Variants in PPP1R1C observed in about 807,000 individuals in gnomAD.
PPP1R1C encodes the protein protein phosphatase 1 regulatory inhibitor subunit 1C.
PPP1R1C carries 15 observed loss-of-function variants against 17.4 expected under a neutral mutation model. That is an observed-to-expected ratio of 0.86 (90% CI 0.58 to 1.33). The LOEUF (loss-of-function observed/expected upper bound fraction) is 1.33. Among genes scored for constraint, PPP1R1C ranks in the 40% most tolerant of loss-of-function variants. PPP1R1C has a pLI of 0.00. For synonymous variants in PPP1R1C, 35 were observed against 43.1 expected (o/e 0.81, Z 0.73); for missense variants, 143 against 130.0 (o/e 1.10, Z -0.48).
chr2:182,069,457 T>A (rs1688080571), intron 4 of PPP1R1C, among the ~76,000 whole-genome samples: 1 of 152,094 alleles, frequency 6.6e-6, no homozygotes, highest in African/African-American at 2.4e-5. Context: ...AGGTATCTTT[T>A]TTTTTTTGGA....
intron 1 of PPP1R1C, among the ~76,000 whole-genome samples, chr2:181,956,808 TA>T (rs1173092360): frequency 3.9e-5 from 6 of 152,318 alleles, no homozygotes; most frequent in African/African-American, 1.4e-4. Flanking sequence ...TGCATGTGTT[TA>T]AAAAATGGCA....
At chr2:182,043,634 C>G (rs1687253200) in intron 2 of PPP1R1C, among the ~76,000 whole-genome samples, 1 of 152,050 alleles carries the variant, frequency 6.6e-6, no homozygotes, top group South Asian at 2.1e-4. Flanking sequence ...TCATGCCTAC[C>G]CTGAAGAGTA....
chr2:182,071,687 C>G (rs1688144183), intron 4 of PPP1R1C, among the ~76,000 whole-genome samples: 1 of 152,156 alleles, frequency 6.6e-6, no homozygotes, highest in Non-Finnish European at 1.5e-5. Context: ...ATTTGTTTCT[C>G]CTCCTCCATT....
intron 4 of PPP1R1C, among the ~76,000 whole-genome samples, chr2:182,074,337 A>G (rs1963270): frequency 0.56 from 85,447 of 151,916 alleles, 24,453 homozygotes; most frequent in Non-Finnish European, 0.61. Context: ...CACTGCGCCC[A>G]GCCAAAAATT....
Position 181,997,045 on chromosome 2 carries a change from T to C in PPP1R1C, c.142+9146T>C, listed in dbSNP as rs915587576. ...GAGATCGAGACCATCCTGGCTAACA[T>C]GGTGAAACCCTGTCTTTACTAGAAA... On this transcript the variant is annotated intron_variant, in intron 2 of 4. Transcript: ENST00000682840. Among the ~76,000 whole-genome samples the C allele has an allele frequency of 3.3e-5, 5 of 151,918 alleles. No individual in the cohort carries two copies. In the East Asian group the frequency reaches 9.7e-4, roughly 29 times the overall value.
intron 2 of PPP1R1C, among the ~76,000 whole-genome samples, chr2:182,045,789 A>G (rs866220241): frequency 6.6e-6 from 1 of 152,188 alleles, no homozygotes; most frequent in Non-Finnish European, 1.5e-5. Flanking sequence ...CATGCAAGAT[A>G]TAAAATAGCA....
In PPP1R1C at chr2:181,957,833, A is replaced by C. The variant is rs534679922; in HGVS notation, n.111+3199A>C. 6.6e-6 allele frequency among the ~76,000 whole-genome samples: 1 copy of C among 152,294 alleles called. No homozygotes were observed. Among genetic ancestry groups the C allele is most frequent in the Admixed American group, 6.5e-5 (1 of 15,294 alleles). On this transcript the variant is annotated intron_variant and non_coding_transcript_variant, in intron 1 of 5. Coordinates refer to the PPP1R1C transcript ENST00000464264. The surrounding 1 kb of genome is among the most constrained non-coding windows in gnomAD (Gnocchi z 4.2). ...TGGTGGCTGAGGGTCTTGTTGGATG[A>C]CTGCATTGCTAATCTTGCCATTGCA...
Position 182,042,138 on chromosome 2 carries a change from G to T in PPP1R1C, c.143-19304G>T, listed in dbSNP as rs17456788. On this transcript the variant is annotated intron_variant, in intron 2 of 4. Transcript: ENST00000682840. ...TATGTAGTTGTATTCACTGAAGAAGGTTTTCTGGAATAGAATAGAAAGTAT... is the reference window on the plus strand; with the variant it reads ...TATGTAGTTGTATTCACTGAAGAAGTTTTTCTGGAATAGAATAGAAAGTAT... Among the ~76,000 whole-genome samples, 491 of 152,134 alleles carry T rather than the reference G, an allele frequency of 3.2e-3. 2 individuals are homozygous for T. Among genetic ancestry groups the T allele is most frequent in the Non-Finnish European group, 5.1e-3 (347 of 67,986 alleles).
At chr2:182,120,281 A>T (rs574573961), downstream of PPP1R1C, among the ~76,000 whole-genome samples, 5 of 152,332 alleles carry the variant, frequency 3.3e-5, no homozygotes, top group Non-Finnish European at 7.3e-5. Flanking sequence ...TTTTGGCACC[A>T]GTACCATGCT....
intron 4 of PPP1R1C, among the ~76,000 whole-genome samples, chr2:182,091,233 T>C (rs1249437576): frequency 6.6e-6 from 1 of 152,204 alleles, no homozygotes; most frequent in Non-Finnish European, 1.5e-5. Context: ...AGAAGAATTA[T>C]ATCTCAGAAG....
intron 1 of PPP1R1C, among the ~76,000 whole-genome samples, chr2:181,963,785 T>C (rs1342569822): frequency 6.7e-6 from 1 of 149,832 alleles, no homozygotes; most frequent in Non-Finnish European, 1.5e-5. Flanking sequence ...AGAGTTCTTT[T>C]TTGCTTGTTT....
intron 4 of PPP1R1C, among the ~76,000 whole-genome samples, chr2:182,115,325 T>C (rs889026462): frequency 6.6e-6 from 1 of 152,200 alleles, no homozygotes; most frequent in Non-Finnish European, 1.5e-5. Context: ...CAGTGTCTCT[T>C]AATAATGGAA....
intron 4 of PPP1R1C, among the ~76,000 whole-genome samples, chr2:182,088,210 G>T (rs780360529): frequency 6.6e-6 from 1 of 152,008 alleles, no homozygotes; most frequent in African/African-American, 2.4e-5. Context: ...TTAGGTAATT[G>T]CCTTGAATGT....
intron 2 of PPP1R1C, among the ~76,000 whole-genome samples, chr2:182,036,737 A>T (rs1487449212): frequency 6.6e-6 from 1 of 152,038 alleles, no homozygotes; most frequent in African/African-American, 2.4e-5. Flanking sequence ...ATAAAACATA[A>T]TGGCAAATAC....
In PPP1R1C at chr2:181,976,363, G is replaced by A; in HGVS notation, n.157+1099G>A. 6.6e-6 allele frequency among the ~76,000 whole-genome samples: 1 copy of A among 151,582 alleles called. No homozygotes were observed. Among genetic ancestry groups the A allele is most frequent in the East Asian group, 1.9e-4 (1 of 5,192 alleles). ...ATTTGGAAACCCTACCAACAACAGA[G>A]TTCTAGAAGTTACTCTGAATCCAAA... On this transcript the variant is annotated intron_variant and non_coding_transcript_variant, in intron 2 of 5. Transcript: ENST00000464264. The surrounding 1 kb of genome is among the most constrained non-coding windows in gnomAD (Gnocchi z 4.8).
intron 5 of PPP1R1C, among the ~76,000 whole-genome samples, chr2:182,124,059 G>C (rs748520425): frequency 7.9e-5 from 12 of 152,224 alleles, no homozygotes; most frequent in Middle Eastern, 6.8e-3. Flanking sequence ...TCCAGTTTCA[G>C]CTTTCTGCAT....
In PPP1R1C at chr2:182,117,322, T is replaced by C; in HGVS notation, c.*27T>C. The stretch of plus-strand genomic sequence containing the variant: ...TACTGGTCTGCAGCAAGAAGGCTTC[T>C]TGGAAATAACTGAACTATTAACTTT... On this transcript the variant is annotated 3_prime_UTR_variant, in exon 5 of 5. Transcript: ENST00000682840. 1 of 1,476,682 alleles carries C rather than the reference T, an allele frequency of 6.8e-7. No homozygotes were observed. Among genetic ancestry groups the C allele is most frequent in the East Asian group, 2.5e-5 (1 of 40,564 alleles). The allele number at this position is 1,476,682 out of a possible 1,614,324, so 91.5% of individuals were successfully genotyped here.
intron 2 of PPP1R1C, among the ~76,000 whole-genome samples, chr2:182,058,329 A>G (rs1687749766): frequency 6.6e-6 from 1 of 152,054 alleles, no homozygotes; most frequent in Non-Finnish European, 1.5e-5. Context: ...TCATGACTAG[A>G]CTAGGCTTAA....
chr2:182,022,934 G>T (rs1201499935), intron 2 of PPP1R1C, among the ~76,000 whole-genome samples: 1 of 152,156 alleles, frequency 6.6e-6, no homozygotes, highest in East Asian at 1.9e-4. Context: ...TGCAAAAGTG[G>T]ATGTAGAAAT....
Sources: gnomAD v4.1 joint callset for allele counts (sites outside exome capture counted in the v4.1 genomes callset) on GRCh38, gnomAD v4.1.1 for gene constraint, Gnocchi (gnomAD v3.1) non-coding constraint, MANE v1.5 for transcripts, NCBI Gene and HGNC (gene_info 2026-07-23, HGNC 2026-07-21) for gene names.